The following MYO6 variants were observed in gnomAD, a reference collection of about 807,000 sequenced individuals.
The protein encoded by MYO6 is myosin VI.
In MYO6, 74 loss-of-function variants were observed where a neutral mutation model predicts 178.7. The ratio of observed to expected loss-of-function variants is 0.41; its 90% CI spans 0.34 to 0.50. The LOEUF is 0.50. Ranked by LOEUF, MYO6 falls within the 20% of genes least tolerant of loss-of-function variation. The pLI, the probability that MYO6 is intolerant of heterozygous loss-of-function variation, is 0.09. For missense variants in MYO6, 1,330 were observed against 1,547.4 expected (o/e 0.86, Z 2.36); for synonymous variants, 477 against 504.6 (o/e 0.95, Z 0.73).
intron 1 of MYO6, among the ~76,000 whole-genome samples, chr6:75,775,607 C>G (rs889214661): frequency 6.6e-6 from 1 of 152,176 alleles, no homozygotes; most frequent in Non-Finnish European, 1.5e-5. Context: ...AGCAGATTGC[C>G]AAATACAGGT....
intron 1 of MYO6, among the ~76,000 whole-genome samples, chr6:75,794,740 T>TA (rs1311440135): frequency 8.6e-6 from 1 of 116,406 alleles, no homozygotes; most frequent in Admixed American, 7.5e-5. Flanking sequence ...GCAAAAAAAA[T>TA]AAAAAAAATA....
At chr6:75,796,974 A>T (rs72890617) in intron 1 of MYO6, among the ~76,000 whole-genome samples, 4,845 of 152,042 alleles carry the variant, frequency 0.032, 104 homozygotes, top group Middle Eastern at 0.065. Flanking sequence ...TATTTTCTTT[A>T]TCCAGTCCAT....
intron 1 of MYO6, among the ~76,000 whole-genome samples, chr6:75,785,579 C>T (rs1767471702): frequency 1.3e-5 from 2 of 150,076 alleles, no homozygotes; most frequent in South Asian, 2.1e-4. Context: ...CTCAAGCGAT[C>T]GTCCCGTGGA....
intron 16 of MYO6, 44 bp downstream of exon 16, chr6:75,862,767 C>G: frequency 6.2e-7 from 1 of 1,604,832 alleles, no homozygotes; most frequent in Non-Finnish European, 8.5e-7. Context: ...TGGGACGAGA[C>G]ATTATTAAAA....
At position 75,916,574 on chromosome 6, in the gene MYO6, G is replaced by A. The variant is rs1213935060; in HGVS notation, c.*1562G>A. On this transcript the variant is annotated 3_prime_UTR_variant, in exon 35 of 35. Transcript: ENST00000369977. Reference sequence around the variant, plus strand: ...TCGTCCCTGTGATTGGGGACAGAAGGTGTAGCTACTGAAGTAAATGACCTA... The same window carrying A: ...TCGTCCCTGTGATTGGGGACAGAAGATGTAGCTACTGAAGTAAATGACCTA... The A allele has an allele frequency of 6.6e-6, 1 of 152,628 alleles. No homozygotes were observed. The highest frequency in any genetic ancestry group is 2.4e-5 in the African/African-American group (1 of 41,440). 9.5% of individuals were successfully genotyped at this position (152,628 alleles called of 1,614,324 possible).
intron 31 of MYO6, 79 bp from the exon 32 acceptor site, chr6:75,908,417 C>T (rs561386942): frequency 1.1e-4 from 160 of 1,396,982 alleles, no homozygotes; most frequent in East Asian, 2.3e-4. Flanking sequence ...TCTCCTTATG[C>T]GACAGAATAA....
chr6:75,840,938 T>G (rs1285030524), intron 8 of MYO6, among the ~76,000 whole-genome samples: 1 of 152,184 alleles, frequency 6.6e-6, no homozygotes, highest in Non-Finnish European at 1.5e-5. Context: ...GCACCTGTGT[T>G]GAGGTACGGT....
chr6:75,860,219 T>C (rs1776088027), intron 14 of MYO6, among the ~76,000 whole-genome samples: 1 of 152,248 alleles, frequency 6.6e-6, no homozygotes, highest in Non-Finnish European at 1.5e-5. Context: ...GTTTATGTTT[T>C]TGTGGGCTTC....
intron 1 of MYO6, among the ~76,000 whole-genome samples, chr6:75,795,856 A>G (rs971342829): frequency 2.0e-5 from 3 of 152,224 alleles, no homozygotes; most frequent in Admixed American, 2.0e-4. Context: ...TTACATTCCA[A>G]CAGATTGGAA....
intron 1 of MYO6, among the ~76,000 whole-genome samples, chr6:75,798,387 C>T (rs1017672875): frequency 2.0e-5 from 3 of 151,996 alleles, no homozygotes; most frequent in East Asian, 1.9e-4. Flanking sequence ...TGTAGCCTTC[C>T]GTATAGTTTG....
chr6:75,907,664 A>G lies in MYO6; in HGVS notation c.3236A>G (p.Lys1079Arg), dbSNP rs753378509. The G allele has an allele frequency of 1.9e-6, 3 of 1,613,746 alleles. No homozygotes were observed. The East Asian group carries it at 6.7e-5, about 36-fold the overall frequency. ...AAGTKKYDLS[K>R]WKYAELRDTI... ...GGTACTAAGAAATATGATCTTAGTA[A>G]ATGGAAATATGCAGAACTACGTGAT... Residue 1079 changes from lysine (K) to arginine (R), a missense_variant, in exon 31 of 35, where the codon AAA becomes AGA. By Grantham distance (26) the Lys-to-Arg change is conservative. Coordinates refer to ENST00000369977, the MANE Select transcript of MYO6 (RefSeq NM_004999.4).
At chr6:75,796,723 C>T (rs953114879) in intron 1 of MYO6, among the ~76,000 whole-genome samples, 3 of 151,840 alleles carry the variant, frequency 2.0e-5, no homozygotes, top group South Asian at 2.1e-4. Context: ...TTGCCTTGGC[C>T]TCTCAGAGTG....
At chr6:75,909,846 T>A (rs1780629361) in intron 32 of MYO6, among the ~76,000 whole-genome samples, 1 of 152,214 alleles carries the variant, frequency 6.6e-6, no homozygotes, top group African/African-American at 2.4e-5. Context: ...TTGGTTATAT[T>A]TTGCTTTCCT....
At chr6:75,887,554 T>G (rs922136122) in intron 25 of MYO6, among the ~76,000 whole-genome samples, 12 of 147,912 alleles carry the variant, frequency 8.1e-5, no homozygotes, top group Non-Finnish European at 1.3e-4. Context: ...GGCAGGAGAA[T>G]CGCTTGAACC....
At chr6:75,768,142 G>C (rs1778595625) in intron 1 of MYO6, 1 of 152,082 alleles carries the variant, frequency 6.6e-6, no homozygotes, top group African/African-American at 2.4e-5. Context: ...TAGTATATGT[G>C]CTGCCAAAGT....
intron 1 of MYO6, among the ~76,000 whole-genome samples, chr6:75,794,751 A>T (rs139908077): frequency 1.2e-5 from 1 of 83,910 alleles, no homozygotes; most frequent in Admixed American, 9.6e-5. Context: ...AAAAAAAATA[A>T]AAAAAAAAAT....
At chr6:75,879,727 T>C in intron 20 of MYO6, 93 bp from the exon 21 acceptor site, 1 of 1,580,600 alleles carries the variant, frequency 6.3e-7, no homozygotes, top group South Asian at 1.1e-5. Context: ...ATTGCCCGTT[T>C]CTAAACAGTA....
intron 19 of MYO6, 83 bp downstream of exon 19, chr6:75,870,768 C>A: frequency 9.3e-7 from 1 of 1,076,816 alleles, no homozygotes; most frequent in East Asian, 2.4e-5. Context: ...CATAGTAACC[C>A]TGTACTAATT....
At chr6:75,824,585 CACAT>C (rs1301092754) in intron 3 of MYO6, among the ~76,000 whole-genome samples, 1 of 152,028 alleles carries the variant, frequency 6.6e-6, no homozygotes, top group Non-Finnish European at 1.5e-5. Context: ...CACAGGGTCT[CACAT>C]GCATATTTCT....
Sources: gnomAD v4.1 joint callset for allele counts (sites outside exome capture counted in the v4.1 genomes callset) on GRCh38, gnomAD v4.1.1 for gene constraint, MANE v1.5 for transcripts, NCBI Gene and HGNC (gene_info 2026-07-23, HGNC 2026-07-21) for gene names.